The following MAD1L1 variants were observed in gnomAD, a reference collection of about 807,000 sequenced individuals.
MAD1L1 encodes mitotic arrest deficient 1 like 1.
Under a neutral mutation model 96.9 loss-of-function variants are expected in MAD1L1, and 95 were observed. The ratio of observed to expected loss-of-function variants is 0.98; its 90% CI spans 0.83 to 1.16. The LOEUF is 1.16. Among genes scored for constraint, MAD1L1 ranks in the 50% most tolerant of loss-of-function variants. MAD1L1 has a pLI of 0.00. For missense variants in MAD1L1, 1,007 were observed against 954.4 expected (o/e 1.06, Z -0.73); for synonymous variants, 473 against 396.6 (o/e 1.19, Z -2.29).
chr7:2,213,785 G>C (rs1294716835), intron 9 of MAD1L1, among the ~76,000 whole-genome samples: 1 of 152,200 alleles, frequency 6.6e-6, no homozygotes, highest in Non-Finnish European at 1.5e-5. Context: ...GCATGAGGGA[G>C]GGTGAGACAC....
intron 10 of MAD1L1, among the ~76,000 whole-genome samples, chr7:2,183,766 C>T (rs547761791): frequency 2.0e-4 from 29 of 147,744 alleles, no homozygotes; most frequent in East Asian, 1.5e-3. Context: ...GTGGGGGGAG[C>T]GGGGAGGGAC....
At chr7:2,022,476 C>A (rs1782829998) in intron 12 of MAD1L1, among the ~76,000 whole-genome samples, 1 of 151,848 alleles carries the variant, frequency 6.6e-6, no homozygotes, top group South Asian at 2.1e-4. Context: ...ACTAAAAATA[C>A]AAAAATTAGC....
At chr7:1,961,666 T>C (rs1435007223) in intron 15 of MAD1L1, among the ~76,000 whole-genome samples, 2 of 152,274 alleles carry the variant, frequency 1.3e-5, no homozygotes, top group East Asian at 1.9e-4. Context: ...TTAGCTATGA[T>C]ACCTGATAGG....
Position 2,039,529 on chromosome 7 carries a change from G to T in MAD1L1, c.1219-24887C>A, listed in dbSNP as rs34001382. Among the ~76,000 whole-genome samples, 1,345 of 152,312 alleles carry T rather than the reference G, an allele frequency of 8.8e-3. 13 individuals are homozygous for T. The highest frequency in any genetic ancestry group is 0.017 in the Middle Eastern group (5 of 294). ...TACACACTGACTGGCATCTGATGGT[G>T]TCCGTTTCTGAACTTTGACAGGTGT... is the stretch of plus-strand genomic sequence containing the variant. On this transcript the variant is annotated intron_variant, in intron 12 of 18. Transcript: ENST00000265854.
At chr7:1,989,249 C>T (rs908880091) in intron 14 of MAD1L1, among the ~76,000 whole-genome samples, 3 of 152,354 alleles carry the variant, frequency 2.0e-5, no homozygotes, top group East Asian at 1.9e-4. Flanking sequence ...CCCGCCAGGA[C>T]GGCTCTAACG....
At chr7:1,962,321 T>C (rs1466682864) in intron 15 of MAD1L1, among the ~76,000 whole-genome samples, 1 of 152,244 alleles carries the variant, frequency 6.6e-6, no homozygotes, top group Admixed American at 6.5e-5. Flanking sequence ...TTGTGAGGCC[T>C]CCCCAGCCAT....
chr7:1,871,637 C>G (rs71523276), intron 18 of MAD1L1, among the ~76,000 whole-genome samples: 6 of 148,734 alleles, frequency 4.0e-5, no homozygotes, highest in Non-Finnish European at 8.9e-5. Flanking sequence ...ACACTGAACC[C>G]AACATACGCC....
chr7:2,104,365 G>C (rs146949455), intron 11 of MAD1L1, among the ~76,000 whole-genome samples: 2,172 of 152,342 alleles, frequency 0.014, 39 homozygotes, highest in African/African-American at 0.048. Flanking sequence ...AAGGAGAGCC[G>C]TCACGGCGGC....
At chr7:1,899,076 A>AC (rs1453753446) in intron 17 of MAD1L1, among the ~76,000 whole-genome samples, 1 of 152,050 alleles carries the variant, frequency 6.6e-6, no homozygotes, top group Admixed American at 6.5e-5. Flanking sequence ...GACAGCCGGC[A>AC]CCCCCAGGCC....
chr7:1,936,884 T>C lies in MAD1L1; in HGVS notation c.1610A>G (p.Gln537Arg), dbSNP rs774588898. Residue 537 changes from glutamine (Q) to arginine (R), a missense_variant, in exon 17 of 19, where the codon CAG becomes CGG. Gln to Arg is a conservative substitution (Grantham distance 43). Coordinates refer to ENST00000265854, the MANE Select transcript of MAD1L1 (RefSeq NM_001013836.2). ...ERRALQGDYDQSRTKVLHMSL... is the reference protein window; with the variant it reads ...ERRALQGDYDRSRTKVLHMSL... ...CATGTGCAGCACTTTGGTCCTGCTC[T>C]GGTCATAGTCACCCTGCAGGAACAC... is the stretch of plus-strand genomic sequence containing the variant. 1.2e-5 allele frequency: 19 copies of C among 1,598,030 alleles called. No homozygotes were observed. Among genetic ancestry groups the C allele is most frequent in the Non-Finnish European group, 1.5e-5 (18 of 1,171,256 alleles).
At chr7:1,878,455 G>T (rs1785497735) in intron 18 of MAD1L1, among the ~76,000 whole-genome samples, 2 of 151,530 alleles carry the variant, frequency 1.3e-5, no homozygotes, top group Admixed American at 6.6e-5. Flanking sequence ...GTATAAAAAG[G>T]GACCCAGTGC....
intron 11 of MAD1L1, among the ~76,000 whole-genome samples, chr7:2,109,973 G>A (rs573569672): frequency 1.3e-5 from 2 of 151,054 alleles, no homozygotes; most frequent in East Asian, 1.9e-4. Flanking sequence ...GGGCACAAGC[G>A]TGGGCTCAGC....
At chr7:1,950,894 G>A (rs989574056) in intron 16 of MAD1L1, among the ~76,000 whole-genome samples, 5 of 152,372 alleles carry the variant, frequency 3.3e-5, no homozygotes, top group South Asian at 4.1e-4. Context: ...ATCTGCAGAC[G>A]AGGCATCTAC....
chr7:2,025,436 G>A (rs1329099269), intron 12 of MAD1L1, among the ~76,000 whole-genome samples: 1 of 152,186 alleles, frequency 6.6e-6, no homozygotes, highest in Non-Finnish European at 1.5e-5. Context: ...GATAACCTAT[G>A]ATTTTATACC....
Position 2,191,740 on chromosome 7 carries a change from A to T in MAD1L1, c.986+21472T>A, listed in dbSNP as rs113585820. The stretch of plus-strand genomic sequence containing the variant: ...AGCAAGACTCTGTCTCAAAAAAATT[A>T]AAAAAAATTAAGCCGGGTGCGGTGT... On this transcript the variant is annotated intron_variant, in intron 10 of 18. Transcript: ENST00000265854. 1.5e-3 allele frequency among the ~76,000 whole-genome samples: 226 copies of T among 151,910 alleles called. 2 individuals are homozygous for T. The highest frequency in any genetic ancestry group is 5.2e-3 in the African/African-American group (217 of 41,418).
intron 18 of MAD1L1, among the ~76,000 whole-genome samples, chr7:1,828,571 C>T (rs1030117345): frequency 1.3e-5 from 2 of 152,336 alleles, no homozygotes; most frequent in African/African-American, 4.8e-5. Flanking sequence ...CAGCAAGGGG[C>T]GGTGTGAGCC....
chr7:1,839,154 G>C (rs2128631319), intron 18 of MAD1L1, among the ~76,000 whole-genome samples: 1 of 152,324 alleles, frequency 6.6e-6, no homozygotes, highest in Admixed American at 6.5e-5. Context: ...AGACTCCTCA[G>C]TCATTTAGGT....
intron 10 of MAD1L1, among the ~76,000 whole-genome samples, chr7:2,149,570 G>T (rs992236715): frequency 1.3e-5 from 2 of 152,164 alleles, no homozygotes; most frequent in Non-Finnish European, 2.9e-5. Flanking sequence ...TGGCACAGGG[G>T]AGGTGCTCAG....
At chr7:1,922,256 C>T (rs977960566) in intron 17 of MAD1L1, among the ~76,000 whole-genome samples, 9 of 152,280 alleles carry the variant, frequency 5.9e-5, no homozygotes, top group African/African-American at 2.2e-4. Flanking sequence ...CTGCGCTGCA[C>T]CCCACGAGCC....
Sources: allele counts gnomAD v4.1 joint callset (sites outside exome capture counted in the v4.1 genomes callset), GRCh38; gene constraint gnomAD v4.1.1; transcripts MANE v1.5; gene names NCBI Gene and HGNC (gene_info 2026-07-23, HGNC 2026-07-21).